The following GLIS3 variants were observed in gnomAD, a reference collection of about 807,000 sequenced individuals.
The protein encoded by GLIS3 is zinc finger protein GLIS3.
Under a neutral mutation model 78.6 loss-of-function variants are expected in GLIS3, and 53 were observed. That is an observed-to-expected ratio of 0.67 (90% CI 0.54 to 0.85). The LOEUF (loss-of-function observed/expected upper bound fraction) is 0.85. Among genes scored for constraint, GLIS3 ranks in the 40% least tolerant of loss-of-function variants. The probability of loss-of-function intolerance (pLI) is 0.00; values close to 1 mark genes in which losing one functional copy is unlikely to be tolerated. For missense variants in GLIS3, 1,703 were observed against 1,231.1 expected (o/e 1.38, Z -5.74); for synonymous variants, 684 against 509.9 (o/e 1.34, Z -4.60).
At chr9:4,038,153 C>T (rs1293612549) in intron 4 of GLIS3, among the ~76,000 whole-genome samples, 2 of 152,170 alleles carry the variant, frequency 1.3e-5, no homozygotes, top group Non-Finnish European at 2.9e-5. Context: ...AATTTTGTCA[C>T]TCTTGGATTA....
At chr9:4,473,945 CA>C in the GLIS3 span, among the ~76,000 whole-genome samples, 1 of 151,964 alleles carries the variant, frequency 6.6e-6, no homozygotes, top group African/African-American at 2.4e-5. Flanking sequence ...TAAATAAATG[CA>C]AAAATAGACC....
intron 2 of GLIS3, among the ~76,000 whole-genome samples, chr9:4,322,101 T>A (rs1307282794): frequency 1.3e-5 from 2 of 152,134 alleles, no homozygotes; most frequent in African/African-American, 2.4e-5. Flanking sequence ...ATTGTTCAGT[T>A]CCCACCTATG....
chr9:3,969,091 A>C (rs1434322209), intron 4 of GLIS3, among the ~76,000 whole-genome samples: 1 of 152,072 alleles, frequency 6.6e-6, no homozygotes, highest in East Asian at 1.9e-4. Flanking sequence ...GCCTTGACTC[A>C]CCTCTAGGTT....
At chr9:4,321,185 C>T (rs1817519197) in intron 2 of GLIS3, among the ~76,000 whole-genome samples, 3 of 150,282 alleles carry the variant, frequency 2.0e-5, no homozygotes, top group African/African-American at 7.4e-5. Context: ...CTTTGGGAGG[C>T]CGAGGCGGGC....
intron 4 of GLIS3, among the ~76,000 whole-genome samples, chr9:3,974,491 T>C (rs955807582): frequency 2.0e-5 from 3 of 152,160 alleles, no homozygotes; most frequent in Non-Finnish European, 1.5e-5. Flanking sequence ...TTTAATGCAA[T>C]TGGGGAACTG....
intron 4 of GLIS3, among the ~76,000 whole-genome samples, chr9:3,973,709 A>G (rs1053018178): frequency 1.3e-5 from 2 of 152,200 alleles, no homozygotes; most frequent in African/African-American, 4.8e-5. Flanking sequence ...AAGAATAAAT[A>G]TCTCTAATAA....
At chr9:4,297,622 T>C (rs1322271324) in intron 1 of GLIS3, among the ~76,000 whole-genome samples, 1 of 152,138 alleles carries the variant, frequency 6.6e-6, no homozygotes, top group Non-Finnish European at 1.5e-5. Context: ...GGGCCGCGAC[T>C]CCACGAGTCC....
intron 2 of GLIS3, among the ~76,000 whole-genome samples, chr9:4,142,738 C>CAATAAGG (rs1451507777): frequency 3.3e-5 from 5 of 152,092 alleles, no homozygotes; most frequent in Admixed American, 2.6e-4. Flanking sequence ...AAAGTATTTC[C>CAATAAGG]AATAAGGAAG....
At position 4,136,694 on chromosome 9, in the gene GLIS3, C is replaced by T. The variant is rs190210439; in HGVS notation, c.389-10753G>A. 2.0e-3 allele frequency among the ~76,000 whole-genome samples: 307 copies of T among 152,074 alleles called. 1 individual carries two copies. The highest frequency in any genetic ancestry group is 0.017 in the Middle Eastern group (5 of 294). ...AAGTAGTAGGGTGTAGACACAGAAA[C>T]GAAAGGGAGGAGGCACAATGCGTCC... On this transcript the variant is annotated intron_variant, in intron 2 of 10. Transcript: ENST00000381971.
At chr9:4,295,851 CT>C (rs1310072955) in intron 1 of GLIS3, among the ~76,000 whole-genome samples, 1 of 152,144 alleles carries the variant, frequency 6.6e-6, no homozygotes, top group East Asian at 1.9e-4. Context: ...ACTTGGACAT[CT>C]TTTAATCAAA....
chr9:3,855,332 A>C (rs1334888272), intron 9 of GLIS3: 1 of 153,438 alleles, frequency 6.5e-6, no homozygotes, highest in East Asian at 1.9e-4. Context: ...CCATTCACCT[A>C]ACAAGTATCT....
intron 4 of GLIS3, among the ~76,000 whole-genome samples, chr9:4,044,061 C>T (rs1825050046): frequency 1.3e-5 from 2 of 152,112 alleles, no homozygotes; most frequent in South Asian, 2.1e-4. Context: ...CAATAGGGTC[C>T]GGCACAGAAG....
the GLIS3 span, among the ~76,000 whole-genome samples, chr9:4,365,668 A>T: frequency 0.023 from 3,579 of 152,356 alleles, 151 homozygotes; most frequent in African/African-American, 0.082. Flanking sequence ...GTTGAGACTC[A>T]GAAAACGTCA....
intron 6 of GLIS3, among the ~76,000 whole-genome samples, chr9:3,924,414 A>G (rs1825088527): frequency 6.6e-6 from 1 of 152,204 alleles, no homozygotes; most frequent in South Asian, 2.1e-4. Context: ...ATGTAACTTA[A>G]GCTAAGTCCT....
intron 9 of GLIS3, 192 bp downstream of exon 9, chr9:3,855,817 A>G: frequency 1.5e-6 from 1 of 654,954 alleles, no homozygotes; most frequent in Non-Finnish European, 2.7e-6. Flanking sequence ...AAATCATACC[A>G]TCATCAGGCC....
intron 2 of GLIS3, among the ~76,000 whole-genome samples, chr9:4,142,850 T>A (rs1164584782): frequency 6.6e-6 from 1 of 152,092 alleles, no homozygotes; most frequent in Non-Finnish European, 1.5e-5. Context: ...GTGTATGAAA[T>A]TTTCACACTT....
rs1445232954 is a variant in GLIS3 at position 3,826,489 on chromosome 9, C to T, written c.*1783G>A. 1 of 152,166 alleles carries T rather than the reference C, an allele frequency of 6.6e-6. No homozygotes were observed. Among genetic ancestry groups the T allele is most frequent in the African/African-American group, 2.4e-5 (1 of 41,446 alleles). 9.4% of individuals were successfully genotyped at this position (152,166 alleles called of 1,614,324 possible). On this transcript the variant is annotated 3_prime_UTR_variant, in exon 11 of 11. Transcript: ENST00000381971. ...AGGTTTTTTAAAGTGGCTAACTCATCTCTTTTGCAGACTTTGACGTCTACG... is the reference window on the plus strand; with the variant it reads ...AGGTTTTTTAAAGTGGCTAACTCATTTCTTTTGCAGACTTTGACGTCTACG...
chr9:4,140,221 G>A (rs956155839), intron 2 of GLIS3, among the ~76,000 whole-genome samples: 1 of 152,080 alleles, frequency 6.6e-6, no homozygotes, highest in Non-Finnish European at 1.5e-5. Context: ...CTACTTGTGG[G>A]GCTAAGGTGG....
intron 2 of GLIS3, among the ~76,000 whole-genome samples, chr9:4,334,606 C>T (rs4741961): frequency 0.72 from 108,879 of 152,176 alleles, 41,658 homozygotes; most frequent in Non-Finnish European, 0.84. Flanking sequence ...CCTAGGTGAA[C>T]GCCAAACAGC....
Sources: allele counts gnomAD v4.1 joint callset (sites outside exome capture counted in the v4.1 genomes callset), GRCh38; gene constraint gnomAD v4.1.1; transcripts MANE v1.5; gene names NCBI Gene and HGNC (gene_info 2026-07-23, HGNC 2026-07-21).